The following MAGI1 variants were observed in gnomAD, a reference collection of about 807,000 sequenced individuals.
MAGI1 encodes membrane-associated guanylate kinase, WW and PDZ domain-containing protein 1.
MAGI1 carries 58 observed loss-of-function variants against 139.9 expected under a neutral mutation model. The observed-to-expected ratio is 0.41, with a 90% CI of 0.34 to 0.52. The LOEUF (loss-of-function observed/expected upper bound fraction) is 0.52, where lower values mean the gene tolerates loss of function less well. Among genes scored for constraint, MAGI1 ranks in the 20% least tolerant of loss-of-function variants. MAGI1 has a pLI of 0.12. For synonymous variants in MAGI1, 812 were observed against 737.9 expected, an observed-to-expected ratio of 1.10 and a Z score of -1.63; for missense variants, 1,874 against 1,901.6, an observed-to-expected ratio of 0.99 and a Z score of 0.27.
intron 1 of MAGI1, among the ~76,000 whole-genome samples, chr3:65,799,102 C>T (rs1004967727): frequency 1.3e-5 from 2 of 151,984 alleles, no homozygotes; most frequent in Non-Finnish European, 2.9e-5. Context: ...TGAAAATTCT[C>T]GATTTAATAA....
At chr3:65,555,332 G>A (rs2080035122) in intron 2 of MAGI1, among the ~76,000 whole-genome samples, 2 of 152,124 alleles carry the variant, frequency 1.3e-5, no homozygotes, top group South Asian at 4.1e-4. Flanking sequence ...ATAGCTATGA[G>A]GCCATGCTTT....
chr3:65,556,415 A>G (rs557817087), intron 2 of MAGI1, among the ~76,000 whole-genome samples: 4 of 152,318 alleles, frequency 2.6e-5, no homozygotes, highest in African/African-American at 7.2e-5. Flanking sequence ...TACTCACTAC[A>G]TATAGTGATG....
At chr3:65,372,823 T>C (rs1327048680) in intron 18 of MAGI1, among the ~76,000 whole-genome samples, 1 of 152,222 alleles carries the variant, frequency 6.6e-6, no homozygotes, top group Non-Finnish European at 1.5e-5. Context: ...CTCTGCTAGC[T>C]TCAAAGTATC....
At chr3:65,597,090 T>C (rs2082243469) in intron 2 of MAGI1, among the ~76,000 whole-genome samples, 2 of 151,990 alleles carry the variant, frequency 1.3e-5, no homozygotes, top group African/African-American at 2.4e-5. Context: ...TTCCCCAGCC[T>C]GGGCGCCGGA....
chr3:65,664,426 A>T (rs1320014203), intron 1 of MAGI1, among the ~76,000 whole-genome samples: 5 of 152,222 alleles, frequency 3.3e-5, no homozygotes, highest in Admixed American at 3.3e-4. Context: ...TAATGCTCGT[A>T]ACAACCCTAC....
chr3:65,571,791 T>C (rs914981121), intron 2 of MAGI1, among the ~76,000 whole-genome samples: 3 of 152,070 alleles, frequency 2.0e-5, no homozygotes, highest in African/African-American at 7.2e-5. Context: ...TTTTGTCCCA[T>C]TAATAATGTG....
chr3:65,723,571 T>A (rs1317777352), intron 1 of MAGI1, among the ~76,000 whole-genome samples: 3 of 152,180 alleles, frequency 2.0e-5, no homozygotes, highest in Non-Finnish European at 4.4e-5. Flanking sequence ...CTGCTCATGG[T>A]GTTTGTCACA....
intron 14 of MAGI1, chr3:65,387,112 G>T (rs756981892): frequency 6.4e-7 from 1 of 1,567,484 alleles, no homozygotes; most frequent in Non-Finnish European, 8.8e-7. Flanking sequence ...GAATGAAAAC[G>T]GAGAGACAAA....
At chr3:65,743,025 T>TA (rs1225768690) in intron 1 of MAGI1, among the ~76,000 whole-genome samples, 12 of 150,872 alleles carry the variant, frequency 8.0e-5, no homozygotes, top group South Asian at 2.1e-4. Flanking sequence ...ATCAATTGCT[T>TA]AAAAAAAAAG....
rs1575714409 is a variant in MAGI1 at position 65,429,675 on chromosome 3, A to G, written c.2012T>C (p.Ile671Thr). ...PGGGGQRVKQ[I>T]VDSPRCRGLK... ...GCCTCGGCACCTTGGGCTGTCAACA[A>G]TCTGTTTCACTCTTTGGCCACCCCC... The change falls in exon 12 of 23, where the codon ATT becomes ACT. Residue 671 changes from isoleucine to threonine, a missense_variant. Coordinates refer to ENST00000402939, the MANE Select transcript of MAGI1 (RefSeq NM_001033057.2). 2 of 1,613,910 alleles carry G rather than the reference A, an allele frequency of 1.2e-6. No homozygotes were observed. Among genetic ancestry groups the G allele is most frequent in the South Asian group, 1.1e-5 (1 of 91,076 alleles).
intron 1 of MAGI1, among the ~76,000 whole-genome samples, chr3:65,718,187 C>T (rs1350737434): frequency 1.3e-5 from 2 of 152,100 alleles, no homozygotes; most frequent in Non-Finnish European, 2.9e-5. Flanking sequence ...TGACATCATA[C>T]TGGTCAACAC....
chr3:66,037,428 G>A (rs1425776708), intron 1 of MAGI1, among the ~76,000 whole-genome samples: 4 of 152,098 alleles, frequency 2.6e-5, no homozygotes, highest in African/African-American at 9.7e-5. Context: ...GGAGACACAT[G>A]CGTCATCCGG....
At chr3:65,950,106 ACAG>A (rs2063757152) in intron 1 of MAGI1, among the ~76,000 whole-genome samples, 1 of 84,196 alleles carries the variant, frequency 1.2e-5, no homozygotes. Flanking sequence ...AAAAAAAAAA[ACAG>A]AACTAGCAAT....
chr3:65,493,414 G>C (rs1952199492), intron 3 of MAGI1, 98 bp downstream of exon 3: 1 of 1,428,688 alleles, frequency 7.0e-7, no homozygotes, highest in South Asian at 1.2e-5. Flanking sequence ...TATTTGTTTA[G>C]ACCTCCAGAT....
chr3:65,442,204 G>A (rs1377203546), intron 8 of MAGI1, among the ~76,000 whole-genome samples: 4 of 151,802 alleles, frequency 2.6e-5, no homozygotes, highest in Non-Finnish European at 4.4e-5. Flanking sequence ...GTAAAGTCAC[G>A]AGGGTTTTAG....
chr3:65,460,700 CA>C (rs148844362), intron 5 of MAGI1, among the ~76,000 whole-genome samples: 21,649 of 152,020 alleles, frequency 0.14, 1,631 homozygotes, highest in South Asian at 0.23. Context: ...TCCCCTTACC[CA>C]CCACCCTCCA....
intron 1 of MAGI1, among the ~76,000 whole-genome samples, chr3:65,860,994 A>G (rs112774497): frequency 0.022 from 3,401 of 152,286 alleles, 84 homozygotes; most frequent in Non-Finnish European, 0.028. Flanking sequence ...AATTCAAATA[A>G]GAAGGGCATA....
chr3:65,676,992 C>T (rs748142692), intron 1 of MAGI1, among the ~76,000 whole-genome samples: 3 of 152,162 alleles, frequency 2.0e-5, no homozygotes, highest in African/African-American at 7.2e-5. Flanking sequence ...CAATGACTCC[C>T]GTGCTCTTGG....
chr3:65,534,652 G>A (rs1391188184), intron 2 of MAGI1, among the ~76,000 whole-genome samples: 1 of 152,226 alleles, frequency 6.6e-6, no homozygotes, highest in Non-Finnish European at 1.5e-5. Context: ...TGAGACCACA[G>A]TGCCTGGCAT....
Sources: gnomAD v4.1 joint callset for allele counts (sites outside exome capture counted in the v4.1 genomes callset) on GRCh38, gnomAD v4.1.1 for gene constraint, MANE v1.5 for transcripts, NCBI Gene and HGNC (gene_info 2026-07-23, HGNC 2026-07-21) for gene names.